GALNT17: variants seen among roughly 807,000 people sequenced by gnomAD.
The protein encoded by GALNT17 is UDP-GalNAc:polypeptide N-acetylgalactosaminyltransferase-like 3.
Under a neutral mutation model 63.7 loss-of-function variants are expected in GALNT17, and 29 were observed. That is an observed-to-expected ratio of 0.46 (90% CI 0.34 to 0.62). The LOEUF (loss-of-function observed/expected upper bound fraction) is 0.62, where lower values mean the gene tolerates loss of function less well. Ranked by LOEUF, GALNT17 falls within the 20% of genes least tolerant of loss-of-function variation. GALNT17 has a pLI of 0.01. For synonymous variants in GALNT17, 305 were observed against 318.3 expected (o/e 0.96, Z 0.45); for missense variants, 603 against 799.6 (o/e 0.75, Z 2.97).
At chr7:71,614,654 CAG>C (rs1450684833) in intron 6 of GALNT17, among the ~76,000 whole-genome samples, 1 of 138,596 alleles carries the variant, frequency 7.2e-6, no homozygotes, top group African/African-American at 2.7e-5. Flanking sequence ...GACAAAGAGA[CAG>C]AGAGGAAGAA....
At chr7:71,366,236 G>A (rs1792504930) in intron 2 of GALNT17, among the ~76,000 whole-genome samples, 1 of 151,992 alleles carries the variant, frequency 6.6e-6, no homozygotes, top group African/African-American at 2.4e-5. Context: ...GTCACAGACT[G>A]GTATTGTTCC....
intron 9 of GALNT17, among the ~76,000 whole-genome samples, chr7:71,705,720 A>G (rs992698606): frequency 1.3e-5 from 2 of 152,172 alleles, no homozygotes; most frequent in African/African-American, 2.4e-5. Flanking sequence ...AGTTGCTCCA[A>G]AGACCTGAAA....
chr7:71,208,096 C>T (rs1330420022), intron 1 of GALNT17, among the ~76,000 whole-genome samples: 1 of 152,142 alleles, frequency 6.6e-6, no homozygotes, highest in South Asian at 2.1e-4. Flanking sequence ...ACAACCATGA[C>T]TGGCTGATTT....
chr7:71,511,178 C>T (rs1003073721), intron 5 of GALNT17, among the ~76,000 whole-genome samples: 5 of 152,042 alleles, frequency 3.3e-5, no homozygotes, highest in African/African-American at 7.2e-5. Context: ...AAGACCCTGT[C>T]TCTAAAAAAG....
At chr7:71,213,299 G>C (rs1361839044) in intron 1 of GALNT17, among the ~76,000 whole-genome samples, 1 of 152,140 alleles carries the variant, frequency 6.6e-6, no homozygotes. Flanking sequence ...TTTGCCTTCT[G>C]CCATGATTCT....
chr7:71,329,520 A>C (rs567574686), intron 1 of GALNT17, among the ~76,000 whole-genome samples: 1 of 152,240 alleles, frequency 6.6e-6, no homozygotes, highest in Non-Finnish European at 1.5e-5. Context: ...TGTGTAATTT[A>C]TGACGAAAAG....
intron 2 of GALNT17, among the ~76,000 whole-genome samples, chr7:71,349,731 C>T (rs762084610): frequency 2.6e-5 from 4 of 152,156 alleles, no homozygotes; most frequent in Non-Finnish European, 5.9e-5. Context: ...AATGATGAAG[C>T]AATGTGATTA....
intron 6 of GALNT17, among the ~76,000 whole-genome samples, chr7:71,640,099 A>G (rs949893013): frequency 6.6e-6 from 1 of 152,264 alleles, no homozygotes; most frequent in Admixed American, 6.5e-5. Flanking sequence ...TAAGATTTGC[A>G]TGAGTGTGAT....
intron 1 of GALNT17, among the ~76,000 whole-genome samples, chr7:71,283,741 T>A (rs1278466347): frequency 6.6e-6 from 1 of 152,122 alleles, no homozygotes; most frequent in East Asian, 1.9e-4. Flanking sequence ...GATGTTTTTG[T>A]TTGTTTTGAG....
intron 5 of GALNT17, among the ~76,000 whole-genome samples, chr7:71,437,236 G>A (rs1380231567): frequency 2.0e-5 from 3 of 152,120 alleles, no homozygotes. Flanking sequence ...TAAGCTCTCT[G>A]GCTCCTGAAA....
Position 71,331,735 on chromosome 7 carries a change from C to T in GALNT17, c.239-3815C>T, listed in dbSNP as rs530838408. ...CCCTTAAAAAAAAAGTTCCTACGTT[C>T]CTACATTCTCAGACCCAGTGTCCTC... is the stretch of plus-strand genomic sequence containing the variant. On this transcript the variant is annotated intron_variant, in intron 1 of 10. Coordinates refer to ENST00000333538, the MANE Select transcript of GALNT17 (RefSeq NM_022479.3). Among the ~76,000 whole-genome samples, 3 of 152,096 alleles carry T rather than the reference C, an allele frequency of 2.0e-5. No individual in the cohort carries two copies. The East Asian group carries it at 5.8e-4, about 29-fold the overall frequency.
chr7:71,335,468 T>A, intron 1 of GALNT17, 82 bp from the exon 2 acceptor site: 1 of 1,321,230 alleles, frequency 7.6e-7, no homozygotes, highest in Non-Finnish European at 1.0e-6. Flanking sequence ...TTAAAATGTC[T>A]GTTGAAGCTG....
At chr7:71,520,400 G>T (rs990949270) in intron 5 of GALNT17, among the ~76,000 whole-genome samples, 8 of 152,062 alleles carry the variant, frequency 5.3e-5, no homozygotes, top group Non-Finnish European at 1.2e-4. Context: ...GTGCAGACCT[G>T]TAATCCCAGC....
intron 5 of GALNT17, among the ~76,000 whole-genome samples, chr7:71,492,215 G>T (rs1788022845): frequency 6.6e-6 from 1 of 152,184 alleles, no homozygotes; most frequent in South Asian, 2.1e-4. Flanking sequence ...GGAGTCGGAG[G>T]TTGCAGTGAG....
chr7:71,385,182 A>G (rs2116331681), intron 2 of GALNT17, among the ~76,000 whole-genome samples: 1 of 152,214 alleles, frequency 6.6e-6, no homozygotes, highest in African/African-American at 2.4e-5. Context: ...AGTTTCGCCC[A>G]TGTGAGCCAA....
intron 1 of GALNT17, among the ~76,000 whole-genome samples, chr7:71,316,214 TCCTGATCTGTGGGTCTGATC>T: frequency 1.4e-5 from 1 of 73,272 alleles, no homozygotes; most frequent in Admixed American, 1.5e-4. Flanking sequence ...CTGATCAGGA[TCCTGATCTGTGGGTCTGATC>T]AGGATCCTGA....
chr7:71,606,987 A>G (rs1790056955), intron 6 of GALNT17, among the ~76,000 whole-genome samples: 1 of 152,146 alleles, frequency 6.6e-6, no homozygotes, highest in Non-Finnish European at 1.5e-5. Flanking sequence ...CCACAAGATC[A>G]CCTTCTTGGA....
At chr7:71,276,209 G>A (rs1010528641) in intron 1 of GALNT17, among the ~76,000 whole-genome samples, 12 of 152,150 alleles carry the variant, frequency 7.9e-5, no homozygotes, top group Non-Finnish European at 1.5e-4. Flanking sequence ...TGGCTAGCTG[G>A]GTGGGTAGCA....
chr7:71,392,575 T>C (rs984627744), intron 3 of GALNT17, among the ~76,000 whole-genome samples: 12 of 152,206 alleles, frequency 7.9e-5, no homozygotes, highest in South Asian at 2.1e-4. Context: ...TTGAGAACCA[T>C]TGGGTTAGGT....
Sources: allele counts gnomAD v4.1 joint callset (sites outside exome capture counted in the v4.1 genomes callset), GRCh38; gene constraint gnomAD v4.1.1; transcripts MANE v1.5; gene names NCBI Gene and HGNC (gene_info 2026-07-23, HGNC 2026-07-21).